LRP1B: variants seen among roughly 807,000 people sequenced by gnomAD.
LRP1B encodes low-density lipoprotein receptor-related protein 1B.
A neutral mutation model predicts 556.6 loss-of-function variants in LRP1B; 217 were observed. The ratio of observed to expected loss-of-function variants is 0.39; its 90% CI spans 0.35 to 0.44. LRP1B has a LOEUF of 0.44. LRP1B is among the 20% of genes least tolerant of loss of function. The pLI, the probability that LRP1B is intolerant of heterozygous loss-of-function variation, is 1.00. For synonymous variants in LRP1B, 2,047 were observed against 1,865.8 expected, an observed-to-expected ratio of 1.10 and a Z score of -2.50; for missense variants, 5,053 against 5,620.8, an observed-to-expected ratio of 0.90 and a Z score of 3.23.
intron 1 of LRP1B, among the ~76,000 whole-genome samples, chr2:142,047,606 C>T (rs1471854776): frequency 4.0e-5 from 6 of 151,750 alleles, no homozygotes; most frequent in Admixed American, 2.0e-4. Flanking sequence ...TGTTCACAAA[C>T]TATTTCCTAT....
intron 2 of LRP1B, among the ~76,000 whole-genome samples, chr2:141,657,767 T>C (rs934027949): frequency 6.6e-6 from 1 of 152,166 alleles, no homozygotes; most frequent in African/African-American, 2.4e-5. Flanking sequence ...TCATTGACAG[T>C]TGATCAATCT....
At chr2:141,693,167 G>A (rs904503659) in intron 2 of LRP1B, among the ~76,000 whole-genome samples, 1 of 152,002 alleles carries the variant, frequency 6.6e-6, no homozygotes, top group Non-Finnish European at 1.5e-5. Flanking sequence ...CTTGAAAGTA[G>A]AGTCTTTTTG....
chr2:140,642,890 T>A (rs1026980528), intron 41 of LRP1B, among the ~76,000 whole-genome samples: 4 of 152,064 alleles, frequency 2.6e-5, no homozygotes, highest in African/African-American at 9.7e-5. Flanking sequence ...GGACTAAGAA[T>A]ATTTCTTAAA....
At chr2:141,189,548 A>C (rs1681406303) in intron 6 of LRP1B, among the ~76,000 whole-genome samples, 1 of 152,010 alleles carries the variant, frequency 6.6e-6, no homozygotes, top group African/African-American at 2.4e-5. Flanking sequence ...CATTCAGAGC[A>C]AACTGAATCT....
chr2:142,073,493 C>T (rs1474054804), intron 1 of LRP1B, among the ~76,000 whole-genome samples: 2 of 152,016 alleles, frequency 1.3e-5, no homozygotes, highest in South Asian at 2.1e-4. Flanking sequence ...TTCTTCACAT[C>T]CTACTACCAA....
At chr2:141,735,873 A>G (rs1216670409) in intron 2 of LRP1B, among the ~76,000 whole-genome samples, 1 of 152,158 alleles carries the variant, frequency 6.6e-6, no homozygotes, top group Non-Finnish European at 1.5e-5. Context: ...AGCTGTTTGA[A>G]AAAAAGGTAT....
intron 2 of LRP1B, among the ~76,000 whole-genome samples, chr2:141,555,434 T>G (rs929561485): frequency 3.3e-5 from 5 of 151,922 alleles, no homozygotes; most frequent in African/African-American, 4.8e-5. Flanking sequence ...GTTTCTGAGG[T>G]CCTGTCTCTG....
intron 20 of LRP1B, among the ~76,000 whole-genome samples, chr2:140,945,773 G>C (rs1695525081): frequency 6.6e-6 from 1 of 151,974 alleles, no homozygotes; most frequent in African/African-American, 2.4e-5. Flanking sequence ...AGAAAACCTA[G>C]GAAGTACTCT....
intron 1 of LRP1B, among the ~76,000 whole-genome samples, chr2:142,081,161 T>C (rs1705698106): frequency 6.6e-6 from 1 of 152,152 alleles, no homozygotes; most frequent in African/African-American, 2.4e-5. Context: ...TAAAATGAGT[T>C]ACAAAGCTTT....
At chr2:140,328,416 T>C (rs1359103956) in intron 79 of LRP1B, among the ~76,000 whole-genome samples, 2 of 151,458 alleles carry the variant, frequency 1.3e-5, no homozygotes, top group African/African-American at 4.8e-5. Flanking sequence ...TGTCAAACTC[T>C]AAAATTTTCT....
intron 83 of LRP1B, among the ~76,000 whole-genome samples, chr2:140,313,514 C>G (rs1170409073): frequency 1.3e-5 from 2 of 151,742 alleles, no homozygotes; most frequent in Non-Finnish European, 2.9e-5. Flanking sequence ...TTTGGAATTC[C>G]AAATTGTTTA....
chr2:141,108,985 T>C (rs1481123983), intron 7 of LRP1B, among the ~76,000 whole-genome samples: 2 of 152,214 alleles, frequency 1.3e-5, no homozygotes, highest in Admixed American at 1.3e-4. Flanking sequence ...GTTATATGAT[T>C]GTCAGCCATT....
intron 3 of LRP1B, among the ~76,000 whole-genome samples, chr2:141,365,535 G>T: frequency 6.8e-6 from 1 of 147,890 alleles, no homozygotes. Context: ...AACAGCACAT[G>T]ATCAATCTTT....
intron 77 of LRP1B, among the ~76,000 whole-genome samples, chr2:140,347,976 A>AAGAT (rs1387020631): frequency 6.6e-6 from 1 of 152,080 alleles, no homozygotes; most frequent in Non-Finnish European, 1.5e-5. Flanking sequence ...AGTAATTCAT[A>AAGAT]AGATAGAAAA....
intron 60 of LRP1B, among the ~76,000 whole-genome samples, chr2:140,471,111 C>A (rs1203986366): frequency 1.3e-5 from 2 of 152,124 alleles, no homozygotes; most frequent in African/African-American, 2.4e-5. Context: ...TTTTGTATAA[C>A]AGTGTATTTA....
chr2:140,514,540 C>A, intron 51 of LRP1B, 113 bp downstream of exon 51: 1 of 906,454 alleles, frequency 1.1e-6, no homozygotes, highest in Non-Finnish European at 1.6e-6. Flanking sequence ...TAGAAAGGTA[C>A]ACATAAATTT....
chr2:140,355,314 G>A (rs534549065), intron 75 of LRP1B, among the ~76,000 whole-genome samples: 2 of 151,878 alleles, frequency 1.3e-5, no homozygotes, highest in South Asian at 4.2e-4. Flanking sequence ...GAAAGAGCCT[G>A]GGAAAAATAA....
chr2:140,666,417 A>G (rs1434643594), intron 41 of LRP1B, among the ~76,000 whole-genome samples: 1 of 152,120 alleles, frequency 6.6e-6, no homozygotes, highest in Non-Finnish European at 1.5e-5. Context: ...GAAAATTTTA[A>G]TAACCAGTAC....
intron 1 of LRP1B, among the ~76,000 whole-genome samples, chr2:142,073,027 C>T (rs548826647): frequency 2.0e-5 from 3 of 152,140 alleles, no homozygotes; most frequent in African/African-American, 7.2e-5. Context: ...TAATCACAGT[C>T]AGAAAGTGTC....
Sources: gnomAD v4.1 joint callset for allele counts (sites outside exome capture counted in the v4.1 genomes callset) on GRCh38, gnomAD v4.1.1 for gene constraint, MANE v1.5 for transcripts, NCBI Gene and HGNC (gene_info 2026-07-23, HGNC 2026-07-21) for gene names.